OR2L5: variants seen among roughly 807,000 people sequenced by gnomAD.
OR2L5 encodes olfactory receptor 2L5.
For missense variants in OR2L5, 413 were observed against 381.6 expected (o/e 1.08, Z -0.69); for synonymous variants, 169 against 142.0 (o/e 1.19, Z -1.35).
In OR2L5 at chr1:248,022,597, A is replaced by G. The variant is rs551661242; in HGVS notation, c.650A>G (p.Tyr217Cys). 1.4e-4 allele frequency: 224 copies of G among 1,614,054 alleles called. 2 individuals carry two copies. In the South Asian group the frequency reaches 1.7e-3, roughly 13 times the overall value. ...VFPFTGIACSYGWVLLAVYRM... is the reference protein window; with the variant it reads ...VFPFTGIACSCGWVLLAVYRM... The stretch of plus-strand genomic sequence containing the variant: ...CCCTTCACTGGCATTGCGTGTTCCT[A>G]TGGCTGGGTTCTCCTTGCTGTCTAC... Residue 217 changes from tyrosine (Y) to cysteine (C), a missense_variant, in exon 2 of 2, where the codon TAT (tyrosine) becomes TGT (cysteine). Transcript: ENST00000355281.
At chr1:248,019,979 G>A (rs1662296297) in intron 1 of OR2L5, among the ~76,000 whole-genome samples, 1 of 152,090 alleles carries the variant, frequency 6.6e-6, no homozygotes, top group African/African-American at 2.4e-5. Context: ...GTAGAAACAG[G>A]ATTTTTCCAT....
chr1:248,020,307 G>A (rs924135818), intron 1 of OR2L5, among the ~76,000 whole-genome samples: 3 of 152,096 alleles, frequency 2.0e-5, no homozygotes, highest in East Asian at 3.9e-4. Context: ...CTGATGCTAT[G>A]ATTGTTTACC....
intron 1 of OR2L5, among the ~76,000 whole-genome samples, chr1:248,015,001 T>C (rs1057353680): frequency 1.3e-5 from 2 of 152,276 alleles, no homozygotes; most frequent in Middle Eastern, 3.4e-3. Context: ...TGTCTATCCA[T>C]GAAAATGTCT....
At position 248,022,673 on chromosome 1, in the gene OR2L5, C is replaced by A; in HGVS notation, c.726C>A (p.Thr242=). 6.2e-7 allele frequency: 1 copy of A among 1,614,088 alleles called. No homozygotes were observed. The highest frequency in any genetic ancestry group is 8.5e-7 in the Non-Finnish European group (1 of 1,180,006). Residue 242 remains threonine (T), a synonymous_variant, in exon 2 of 2, where the codon ACC becomes ACA. Coordinates refer to ENST00000355281, the MANE Select transcript of OR2L5 (RefSeq NM_001258284.2). ...AAAAGGCCTATTCGACCTGCAGCAC[C>A]CACCTCACTGTAGTAACTTTCTACT... ...GRKKAYSTCS[T]HLTVVTFYYA...
In OR2L5 at chr1:248,022,951, A is replaced by G; in HGVS notation, c.*65A>G. On this transcript the variant is annotated 3_prime_UTR_variant, in exon 2 of 2. Coordinates refer to ENST00000355281, the MANE Select transcript of OR2L5 (RefSeq NM_001258284.2). Reference sequence around the variant, plus strand: ...TCAACTCAGCAGTGTACAGCAGTGAAGAAAAACATTATTACATGCCCAGTA... The same window carrying G: ...TCAACTCAGCAGTGTACAGCAGTGAGGAAAAACATTATTACATGCCCAGTA... 7.1e-7 allele frequency: 1 copy of G among 1,416,326 alleles called. No homozygotes were observed. The highest frequency in any genetic ancestry group is 1.4e-5 in the South Asian group (1 of 70,576). 87.7% of individuals were successfully genotyped at this position (1,416,326 alleles called of 1,614,324 possible). A position where few individuals can be genotyped will look rare whatever the true frequency, so the allele number is the denominator to read the frequency against.
At chr1:248,016,478 A>T (rs2103073444) in intron 1 of OR2L5, among the ~76,000 whole-genome samples, 1 of 152,298 alleles carries the variant, frequency 6.6e-6, no homozygotes, top group South Asian at 2.1e-4. Context: ...AGGAAACATA[A>T]GAAGTTTAAA....
intron 1 of OR2L5, among the ~76,000 whole-genome samples, chr1:248,017,969 C>T (rs1662238454): frequency 6.6e-6 from 1 of 151,818 alleles, no homozygotes; most frequent in Non-Finnish European, 1.5e-5. Flanking sequence ...CGGTGAAACC[C>T]CGTCTCTACT....
At chr1:248,019,413 A>G (rs1477048396) in intron 1 of OR2L5, among the ~76,000 whole-genome samples, 13 of 152,154 alleles carry the variant, frequency 8.5e-5, no homozygotes, top group Admixed American at 8.5e-4. Context: ...TCAGGATGAA[A>G]CCCATCATAA....
In OR2L5 at chr1:248,024,143, C is replaced by A. The variant is rs1662417343; in HGVS notation, c.*1257C>A. On this transcript the variant is annotated 3_prime_UTR_variant, in exon 2 of 2. Transcript: ENST00000355281. The stretch of plus-strand genomic sequence containing the variant: ...CATGTGCCGTTGTGGTTTGCTGCAC[C>A]AATAAACCCGTCATCTAAGTTTTAA... The A allele has an allele frequency of 6.6e-6, 1 of 151,734 alleles. No individual in the cohort carries two copies. Among genetic ancestry groups the A allele is most frequent in the Non-Finnish European group, 1.5e-5 (1 of 67,974 alleles). The allele number at this position is 151,734 out of a possible 1,614,324, so 9.4% of individuals were successfully genotyped here.
rs779777592 is a variant in OR2L5, at chr1:248,022,324, G to T, written c.377G>T (p.Cys126Phe). 1 of 1,614,094 alleles carries T rather than the reference G, an allele frequency of 6.2e-7. No individual in the cohort carries two copies. The change falls in exon 2 of 2, where the codon TGC becomes TTC. Residue 126 changes from cysteine to phenylalanine, a missense_variant. Cys to Phe is a radical substitution (Grantham distance 205). Transcript: ENST00000355281. ...GCCTATGATCGTTATGTGGCCATTT[G>T]CTTTCCTCTCCACTATCCCATCCGT... The part of the protein sequence containing the change: ...SMAYDRYVAI[C>F]FPLHYPIRMS...
Position 248,022,520 on chromosome 1 carries a change from C to A in OR2L5, c.573C>A (p.Thr191=). The change falls in exon 2 of 2, where the codon ACC becomes ACA. Residue 191 remains threonine, a synonymous_variant. Transcript: ENST00000355281. ...PAMLTLACTD[T]WVYEYTVFLS... is the part of the protein sequence containing the mutation. ...TGTTGACATTAGCCTGTACAGACAC[C>A]TGGGTCTATGAGTACACAGTGTTTT... 6.2e-7 allele frequency: 1 copy of A among 1,614,134 alleles called. No homozygotes were observed. Among genetic ancestry groups the A allele is most frequent in the Non-Finnish European group, 8.5e-7 (1 of 1,180,014 alleles).
Position 248,022,402 on chromosome 1 carries a change from C to T in OR2L5, c.455C>T (p.Ser152Phe), listed in dbSNP as rs139843585. ...ATAACAGGATCTTGGATGATAGGCTCCATCAACTCTTGTGCTCACACAGTA... is the reference window on the plus strand; with the variant it reads ...ATAACAGGATCTTGGATGATAGGCTTCATCAACTCTTGTGCTCACACAGTA... ...LMITGSWMIG[S>F]INSCAHTVYA... The change falls in exon 2 of 2, where the codon TCC becomes TTC. Residue 152 changes from serine to phenylalanine, a missense_variant. Ser to Phe is a radical substitution (Grantham distance 155). Coordinates refer to ENST00000355281, the MANE Select transcript of OR2L5 (RefSeq NM_001258284.2). 2.5e-6 allele frequency: 4 copies of T among 1,614,162 alleles called. No homozygotes were observed. The East Asian group carries it at 8.9e-5, about 36-fold the overall frequency.
rs779262773 is a variant in OR2L5, at chr1:248,022,083, C to A, written c.136C>A (p.Leu46Ile). Reference protein sequence around the residue: ...MALIGNLSMILLIFLDTHLHT... With the variant: ...MALIGNLSMIILIFLDTHLHT... ...TCTAATTGGAAACCTATCCATGATT[C>A]TTCTCATCTTCTTGGACACCCATCT... The change falls in exon 2 of 2, where the codon CTT becomes ATT. Residue 46 changes from leucine to isoleucine, a missense_variant. By Grantham distance (5) the Leu-to-Ile change is conservative. Coordinates refer to ENST00000355281, the MANE Select transcript of OR2L5 (RefSeq NM_001258284.2). The A allele has an allele frequency of 1.2e-6, 2 of 1,613,886 alleles. No homozygotes were observed. The highest frequency in any genetic ancestry group is 1.7e-6 in the Non-Finnish European group (2 of 1,179,830).
At chr1:248,017,446 G>A (rs1327781190) in intron 1 of OR2L5, among the ~76,000 whole-genome samples, 3 of 152,146 alleles carry the variant, frequency 2.0e-5, no homozygotes, top group Non-Finnish European at 4.4e-5. Flanking sequence ...AAGAGATATC[G>A]TAACGTCACA....
chr1:248,022,996 C>T lies in OR2L5; in HGVS notation c.*110C>T. On this transcript the variant is annotated 3_prime_UTR_variant, in exon 2 of 2. Coordinates refer to ENST00000355281, the MANE Select transcript of OR2L5 (RefSeq NM_001258284.2). ...CCAGTATGTCAAACAGAGATTAATCCAGAATGTTTGTCTTTTAATTTAGTC... is the reference window on the plus strand; with the variant it reads ...CCAGTATGTCAAACAGAGATTAATCTAGAATGTTTGTCTTTTAATTTAGTC... The T allele has an allele frequency of 4.0e-6, 4 of 1,009,020 alleles. No individual in the cohort carries two copies. The highest frequency in any genetic ancestry group is 2.0e-5 in the South Asian group (1 of 49,494). The allele number at this position is 1,009,020 out of a possible 1,614,324, so 62.5% of individuals were successfully genotyped here.
At chr1:248,019,514 G>C (rs1005877241) in intron 1 of OR2L5, among the ~76,000 whole-genome samples, 1 of 151,994 alleles carries the variant, frequency 6.6e-6, no homozygotes, top group Non-Finnish European at 1.5e-5. Flanking sequence ...CTTACACTTA[G>C]GTCTTTGATT....
At chr1:248,019,679 T>TATAGG (rs895105398) in intron 1 of OR2L5, among the ~76,000 whole-genome samples, 9 of 152,170 alleles carry the variant, frequency 5.9e-5, no homozygotes, top group African/African-American at 1.9e-4. Flanking sequence ...TATTGCTGTT[T>TATAGG]ATAGGAGAGT....
chr1:248,017,649 G>C (rs931578542), intron 1 of OR2L5, among the ~76,000 whole-genome samples: 1 of 152,092 alleles, frequency 6.6e-6, no homozygotes, highest in Non-Finnish European at 1.5e-5. Flanking sequence ...ACATGCAGGG[G>C]GTGAGGAGAT....
At chr1:248,018,239 G>GT (rs1662253982) in intron 1 of OR2L5, among the ~76,000 whole-genome samples, 1 of 151,850 alleles carries the variant, frequency 6.6e-6, no homozygotes, top group Non-Finnish European at 1.5e-5. Context: ...GAGATCTGAT[G>GT]TGCCGTCTAT....
Sources: gnomAD v4.1 joint callset for allele counts (sites outside exome capture counted in the v4.1 genomes callset) on GRCh38, gnomAD v4.1.1 for gene constraint, MANE v1.5 for transcripts, NCBI Gene and HGNC (gene_info 2026-07-23, HGNC 2026-07-21) for gene names.